MYO3B: variants seen among roughly 807,000 people sequenced by gnomAD.
MYO3B encodes the protein myosin IIIB, also known as myosin-IIIb.
Under a neutral mutation model 174.6 loss-of-function variants are expected in MYO3B, and 156 were observed. The ratio of observed to expected loss-of-function variants is 0.89; its 90% CI spans 0.78 to 1.02. MYO3B has a LOEUF of 1.02. Among genes scored for constraint, MYO3B ranks in the 50% least tolerant of loss-of-function variants. The pLI is 0.00. For synonymous variants in MYO3B, 563 were observed against 569.1 expected (o/e 0.99, Z 0.15); for missense variants, 1,632 against 1,639.4 (o/e 1.00, Z 0.08).
intron 32 of MYO3B, chr2:170,602,177 A>T: frequency 8.0e-7 from 1 of 1,244,186 alleles, no homozygotes; most frequent in Non-Finnish European, 1.2e-6. Context: ...TGCACAAAAA[A>T]TGCATATGAT....
chr2:170,567,843 A>G (rs184648512), intron 32 of MYO3B, among the ~76,000 whole-genome samples: 54 of 152,356 alleles, frequency 3.5e-4, no homozygotes, highest in Non-Finnish European at 6.9e-4. Context: ...GGGATGGTGA[A>G]AAGCCATGCA....
At position 170,498,656 on chromosome 2, in the gene MYO3B, A is replaced by T; in HGVS notation, c.3079A>T (p.Ile1027Phe). Reference protein sequence around the residue: ...PLASKESCVAILEKSRLDHWV... With the variant: ...PLASKESCVAFLEKSRLDHWV... Reference sequence around the variant, plus strand: ...TGCTAGCAAAGAGAGCTGTGTGGCTATCTTGGAAAAGTCCAGATTAGATCA... The same window carrying T: ...TGCTAGCAAAGAGAGCTGTGTGGCTTTCTTGGAAAAGTCCAGATTAGATCA... Residue 1027 changes from isoleucine (I) to phenylalanine (F), a missense_variant, in exon 26 of 35, where the codon ATC becomes TTC. By Grantham distance (21) the Ile-to-Phe change is conservative (BLOSUM62 0). Coordinates refer to ENST00000408978, the MANE Select transcript of MYO3B (RefSeq NM_138995.5). 1.9e-6 allele frequency: 3 copies of T among 1,614,112 alleles called. No homozygotes were observed. Among genetic ancestry groups the T allele is most frequent in the Non-Finnish European group, 2.5e-6 (3 of 1,179,956 alleles).
At chr2:170,258,559 C>T (rs2093322136) in intron 7 of MYO3B, among the ~76,000 whole-genome samples, 1 of 151,968 alleles carries the variant, frequency 6.6e-6, no homozygotes, top group Admixed American at 6.6e-5. Context: ...AAGGAACATC[C>T]TGAAAATAAT....
chr2:170,429,951 C>T (rs2094695402), intron 22 of MYO3B, among the ~76,000 whole-genome samples: 1 of 151,654 alleles, frequency 6.6e-6, no homozygotes, highest in Non-Finnish European at 1.5e-5. Context: ...AAACAAAGAA[C>T]TGTATAGTTG....
intron 22 of MYO3B, among the ~76,000 whole-genome samples, chr2:170,427,815 T>C (rs2094676903): frequency 1.3e-5 from 2 of 152,300 alleles, no homozygotes; most frequent in South Asian, 4.1e-4. Context: ...TAGACTTGGA[T>C]ACCTATATAT....
intron 32 of MYO3B, among the ~76,000 whole-genome samples, chr2:170,598,959 C>A (rs1195749769): frequency 6.6e-6 from 1 of 152,148 alleles, no homozygotes; most frequent in Non-Finnish European, 1.5e-5. Flanking sequence ...TTCCTCTTTG[C>A]CTCAAGTCCT....
At chr2:170,386,547 G>A (rs1330009956) in intron 13 of MYO3B, among the ~76,000 whole-genome samples, 1 of 152,140 alleles carries the variant, frequency 6.6e-6, no homozygotes, top group Non-Finnish European at 1.5e-5. Flanking sequence ...CAGCCATTAA[G>A]TAGTAAAAAT....
At chr2:170,423,791 G>A (rs1265243943) in intron 22 of MYO3B, among the ~76,000 whole-genome samples, 1 of 152,104 alleles carries the variant, frequency 6.6e-6, no homozygotes, top group South Asian at 2.1e-4. Flanking sequence ...ATGTTGGCGA[G>A]GATGGTCTTG....
intron 8 of MYO3B, among the ~76,000 whole-genome samples, chr2:170,352,086 G>C: frequency 6.6e-6 from 1 of 152,152 alleles, no homozygotes. Context: ...CTGAGTAGCT[G>C]GGGTTGCAGG....
At chr2:170,279,028 T>C (rs534834849) in intron 7 of MYO3B, among the ~76,000 whole-genome samples, 2 of 152,326 alleles carry the variant, frequency 1.3e-5, no homozygotes, top group South Asian at 4.1e-4. Context: ...ATATTCTTTA[T>C]TCATTCATCT....
chr2:170,335,497 G>A (rs753059213), intron 8 of MYO3B, 47 bp downstream of exon 8: 1 of 1,435,966 alleles, frequency 7.0e-7, no homozygotes, highest in Non-Finnish European at 9.8e-7. Context: ...AAGGCCTTGA[G>A]CAGTGATTGG....
chr2:170,187,857 T>C (rs1412126492), intron 1 of MYO3B, among the ~76,000 whole-genome samples: 1 of 152,182 alleles, frequency 6.6e-6, no homozygotes, highest in Non-Finnish European at 1.5e-5. Flanking sequence ...TCAATTCTTT[T>C]GAATTTTTTA....
chr2:170,213,522 G>A (rs566731062), intron 3 of MYO3B, among the ~76,000 whole-genome samples: 6 of 152,186 alleles, frequency 3.9e-5, no homozygotes, highest in African/African-American at 1.4e-4. Context: ...GCTTAGGTCA[G>A]GCAGGCCCAG....
At chr2:170,567,165 G>A (rs1001877691) in intron 32 of MYO3B, among the ~76,000 whole-genome samples, 1 of 152,088 alleles carries the variant, frequency 6.6e-6, no homozygotes, top group African/African-American at 2.4e-5. Context: ...TTTCCTAAGA[G>A]CAAAAATTAA....
intron 32 of MYO3B, chr2:170,646,845 C>T: frequency 1.1e-6 from 1 of 935,714 alleles, no homozygotes; most frequent in Non-Finnish European, 1.6e-6. Context: ...AGCTGTTCGT[C>T]AGGATAGTTC....
intron 9 of MYO3B, among the ~76,000 whole-genome samples, chr2:170,372,139 A>AAAAAC (rs2094252908): frequency 6.7e-6 from 1 of 148,788 alleles, no homozygotes; most frequent in Non-Finnish European, 1.5e-5. Context: ...AAAAAAAAAA[A>AAAAAC]AAAAAACAAC....
chr2:170,281,280 C>T (rs1195447214), intron 7 of MYO3B, among the ~76,000 whole-genome samples: 1 of 152,026 alleles, frequency 6.6e-6, no homozygotes, highest in Non-Finnish European at 1.5e-5. Context: ...CTCAGGTTGG[C>T]TGTTGTCAGA....
intron 32 of MYO3B, among the ~76,000 whole-genome samples, chr2:170,560,487 G>A (rs997708216): frequency 2.6e-5 from 4 of 152,142 alleles, no homozygotes; most frequent in Non-Finnish European, 4.4e-5. Context: ...CCTAATATAC[G>A]TGAAGACTCA....
intron 7 of MYO3B, among the ~76,000 whole-genome samples, chr2:170,312,450 C>T (rs957678313): frequency 2.6e-5 from 4 of 152,212 alleles, no homozygotes; most frequent in African/African-American, 9.6e-5. Flanking sequence ...TAGTGTATTG[C>T]TGAACAAAGA....
Sources: gnomAD v4.1 joint callset for allele counts (sites outside exome capture counted in the v4.1 genomes callset) on GRCh38, gnomAD v4.1.1 for gene constraint, MANE v1.5 for transcripts, NCBI Gene and HGNC (gene_info 2026-07-23, HGNC 2026-07-21) for gene names.